The following FGGY variants were observed in gnomAD, a reference collection of about 807,000 sequenced individuals.
The protein encoded by FGGY is FGGY carbohydrate kinase domain containing.
A neutral mutation model predicts 71.3 loss-of-function variants in FGGY; 72 were observed. The observed-to-expected ratio is 1.01, with a 90% CI of 0.84 to 1.23. The LOEUF (loss-of-function observed/expected upper bound fraction) is 1.23. FGGY is among the 50% of genes most tolerant of loss of function. The probability of loss-of-function intolerance (pLI) is 0.00; values close to 1 mark genes in which losing one functional copy is unlikely to be tolerated. For synonymous variants in FGGY, 251 were observed against 250.3 expected (o/e 1.00, Z -0.02); for missense variants, 668 against 682.3 (o/e 0.98, Z 0.23).
At position 59,370,116 on chromosome 1, in the gene FGGY, G is replaced by A. The variant is rs930408360; in HGVS notation, c.466-8633G>A. Among the ~76,000 whole-genome samples the A allele has an allele frequency of 7.2e-5, 11 of 152,134 alleles. No homozygotes were observed. In the East Asian group the frequency reaches 7.7e-4, roughly 11 times the overall value. On this transcript the variant is annotated intron_variant, in intron 4 of 15. Transcript: ENST00000303721. ...AGGCTTCAGAAGATGAAACTACTCC[G>A]AGCTACTGGAGGAAATTCAAACCAA...
At chr1:59,326,626 A>G (rs988990886) in intron 2 of FGGY, among the ~76,000 whole-genome samples, 1 of 152,216 alleles carries the variant, frequency 6.6e-6, no homozygotes, top group African/African-American at 2.4e-5. Flanking sequence ...TATCTCTAGC[A>G]CCATATACCT....
At chr1:59,643,167 T>G (rs1036981926) in intron 11 of FGGY, among the ~76,000 whole-genome samples, 1 of 152,166 alleles carries the variant, frequency 6.6e-6, no homozygotes, top group Non-Finnish European at 1.5e-5. Context: ...TTGTGGTATA[T>G]TCAATGGAAT....
intron 14 of FGGY, among the ~76,000 whole-genome samples, chr1:59,723,570 G>GC (rs967335155): frequency 2.7e-5 from 4 of 148,760 alleles, no homozygotes; most frequent in African/African-American, 7.5e-5. Context: ...TTTTGGGGGG[G>GC]GGTGGTTGGG....
intron 5 of FGGY, among the ~76,000 whole-genome samples, chr1:59,389,146 C>T (rs1286666005): frequency 6.6e-6 from 1 of 152,106 alleles, no homozygotes; most frequent in African/African-American, 2.4e-5. Context: ...CAGGGTTTCA[C>T]CATATTGGTT....
rs565027805 is a variant in FGGY at position 59,376,965 on chromosome 1, C to T, written c.466-1784C>T. On this transcript the variant is annotated intron_variant, in intron 4 of 15. Transcript: ENST00000303721. ...AGTTTATCTCACCTCCAGTTCCATT[C>T]ATAGGCAGAAGTGAAATGGTTCCAT... is the stretch of plus-strand genomic sequence containing the variant. Among the ~76,000 whole-genome samples the T allele has an allele frequency of 2.0e-5, 3 of 152,324 alleles. No homozygotes were observed. In the South Asian group the frequency reaches 6.2e-4, roughly 32 times the overall value.
At chr1:59,328,301 C>G (rs2047797037) in intron 2 of FGGY, among the ~76,000 whole-genome samples, 1 of 152,238 alleles carries the variant, frequency 6.6e-6, no homozygotes, top group Non-Finnish European at 1.5e-5. Context: ...TACATCAGCA[C>G]TTGCTGCTTC....
intron 6 of FGGY, among the ~76,000 whole-genome samples, chr1:59,491,898 T>G (rs990520721): frequency 1.0e-3 from 153 of 152,318 alleles, no homozygotes; most frequent in African/African-American, 3.6e-3. Flanking sequence ...CTGTATGTAC[T>G]TTCCATCTTG....
intron 6 of FGGY, among the ~76,000 whole-genome samples, chr1:59,475,752 T>G (rs1054152696): frequency 2.6e-5 from 4 of 152,252 alleles, no homozygotes; most frequent in South Asian, 2.1e-4. Context: ...AGTATCGTAG[T>G]TCAAAGTAGT....
chr1:59,614,029 A>C (rs773832837), intron 9 of FGGY, among the ~76,000 whole-genome samples: 7 of 152,192 alleles, frequency 4.6e-5, no homozygotes, highest in Non-Finnish European at 7.4e-5. Context: ...CAAAAAAAGT[A>C]CAGGACCAGA....
chr1:59,573,204 TTTTAAAA>T (rs574480037), intron 8 of FGGY, among the ~76,000 whole-genome samples: 192 of 152,276 alleles, frequency 1.3e-3, no homozygotes, highest in Non-Finnish European at 2.4e-3. Flanking sequence ...GGAGAAACTT[TTTTAAAA>T]GTTTTATTGT....
rs943048009 is a variant in FGGY at position 59,546,522 on chromosome 1, T to A, written c.800-7602T>A. On this transcript the variant is annotated intron_variant, in intron 7 of 15. Transcript: ENST00000303721. ...ATGATGATGATGATGATGATGATGATGATGATGATGATGATTATTATTATT... is the reference window on the plus strand; with the variant it reads ...ATGATGATGATGATGATGATGATGAAGATGATGATGATGATTATTATTATT... Among the ~76,000 whole-genome samples, 14 of 138,242 alleles carry A rather than the reference T, an allele frequency of 1.0e-4. 1 individual carries two copies. Among genetic ancestry groups the A allele is most frequent in the Non-Finnish European group, 1.5e-5 (1 of 65,410 alleles). The allele number at this position is 138,242 out of a possible 152,430, so 90.7% of individuals were successfully genotyped here. A position where few individuals can be genotyped will look rare whatever the true frequency, so the allele number is the denominator to read the frequency against.
intron 5 of FGGY, among the ~76,000 whole-genome samples, 184 bp from the exon 6 acceptor site, chr1:59,456,777 G>T (rs1339543892): frequency 1.3e-5 from 2 of 152,120 alleles, no homozygotes; most frequent in East Asian, 3.9e-4. Context: ...GTGAAGGAAG[G>T]TACTATCCAT....
At chr1:59,498,986 G>A (rs1452580482) in intron 6 of FGGY, among the ~76,000 whole-genome samples, 1 of 152,178 alleles carries the variant, frequency 6.6e-6, no homozygotes, top group Admixed American at 6.5e-5. Context: ...TTGCACTGTA[G>A]TAGAAGTTTC....
rs74086243 is a variant in FGGY at position 59,597,798 on chromosome 1, G to A, written c.904-10005G>A. Among the ~76,000 whole-genome samples, 445 of 152,328 alleles carry A rather than the reference G, an allele frequency of 2.9e-3. 1 individual carries two copies. The highest frequency in any genetic ancestry group is 0.01 in the African/African-American group (427 of 41,572). On this transcript the variant is annotated intron_variant, in intron 8 of 15. Transcript: ENST00000303721. ...TCCTTTTAACGGAACTCTAAAGTCT[G>A]CAGGAGGGAGCCATTTTTCCTACCA... is the stretch of plus-strand genomic sequence containing the variant.
chr1:59,522,813 G>C (rs2153650689), intron 7 of FGGY, among the ~76,000 whole-genome samples: 1 of 152,272 alleles, frequency 6.6e-6, no homozygotes, highest in South Asian at 2.1e-4. Flanking sequence ...ACCCTTATTT[G>C]TGTGCCTCTG....
intron 11 of FGGY, among the ~76,000 whole-genome samples, chr1:59,650,458 T>G (rs1376527688): frequency 1.1e-4 from 12 of 110,404 alleles, no homozygotes; most frequent in Non-Finnish European, 1.9e-4. Context: ...GAGATTCAAC[T>G]TCTTCCTGGT....
chr1:59,517,645 A>G (rs2094701479), intron 7 of FGGY, among the ~76,000 whole-genome samples: 3 of 151,388 alleles, frequency 2.0e-5, no homozygotes, highest in Admixed American at 6.6e-5. Context: ...TTTTTCCCCC[A>G]CTGTGTCTTG....
chr1:59,563,649 C>A (rs983653623), intron 8 of FGGY, among the ~76,000 whole-genome samples: 3 of 152,192 alleles, frequency 2.0e-5, no homozygotes, highest in Non-Finnish European at 4.4e-5. Flanking sequence ...CTATTCCCAT[C>A]AAACTACCAT....
intron 8 of FGGY, 104 bp downstream of exon 8, chr1:59,554,331 T>A (rs1571196492): frequency 5.0e-6 from 4 of 795,832 alleles, no homozygotes; most frequent in Non-Finnish European, 7.9e-6. Flanking sequence ...TTTCCTCTTT[T>A]CCCTGCCTGC....
Sources: allele counts gnomAD v4.1 joint callset (sites outside exome capture counted in the v4.1 genomes callset), GRCh38; gene constraint gnomAD v4.1.1; transcripts MANE v1.5; gene names NCBI Gene and HGNC (gene_info 2026-07-23, HGNC 2026-07-21).